Variants in KHDRBS2 observed in about 807,000 individuals in gnomAD.
KHDRBS2 encodes KH domain-containing, RNA-binding, signal transduction-associated protein 2.
Under a neutral mutation model 44.3 loss-of-function variants are expected in KHDRBS2, and 26 were observed. The ratio of observed to expected loss-of-function variants is 0.59; its 90% CI spans 0.43 to 0.81. KHDRBS2 has a LOEUF of 0.81. Ranked by LOEUF, KHDRBS2 falls within the 40% of genes least tolerant of loss-of-function variation. KHDRBS2 has a pLI of 0.00. For synonymous variants in KHDRBS2, 194 were observed against 151.1 expected, an observed-to-expected ratio of 1.28 and a Z score of -2.08; for missense variants, 476 against 433.1, an observed-to-expected ratio of 1.10 and a Z score of -0.88.
At chr6:61,851,401 C>T (rs183877998) in intron 6 of KHDRBS2, among the ~76,000 whole-genome samples, 1 of 151,958 alleles carries the variant, frequency 6.6e-6, no homozygotes, top group Non-Finnish European at 1.5e-5. Context: ...CCAAAAAATT[C>T]ATATGTTGAA....
chr6:62,088,367 C>T (rs544926453), intron 2 of KHDRBS2, among the ~76,000 whole-genome samples: 23 of 152,104 alleles, frequency 1.5e-4, no homozygotes, highest in Non-Finnish European at 2.5e-4. Context: ...TGTTGGTGAT[C>T]TTCTGATGGA....
At chr6:61,871,172 A>G (rs1798604400) in intron 6 of KHDRBS2, among the ~76,000 whole-genome samples, 1 of 152,214 alleles carries the variant, frequency 6.6e-6, no homozygotes, top group Non-Finnish European at 1.5e-5. Context: ...AAATGACCTG[A>G]TGGAGCTGAA....
the KHDRBS2 span, among the ~76,000 whole-genome samples, chr6:61,655,225 TACACACACAC>T: frequency 4.8e-4 from 70 of 145,300 alleles, no homozygotes; most frequent in Middle Eastern, 3.4e-3. Context: ...CATACATACA[TACACACACAC>T]ACACACACAC....
intron 6 of KHDRBS2, among the ~76,000 whole-genome samples, chr6:61,818,130 A>G (rs1193665850): frequency 6.6e-6 from 1 of 152,016 alleles, no homozygotes; most frequent in Admixed American, 6.6e-5. Flanking sequence ...GATAATATCT[A>G]CTATGATAAG....
At chr6:61,961,296 G>A (rs1057373911) in intron 4 of KHDRBS2, among the ~76,000 whole-genome samples, 1 of 152,000 alleles carries the variant, frequency 6.6e-6, no homozygotes, top group Non-Finnish European at 1.5e-5. Context: ...TAGTAGGGGA[G>A]AATGTAATAG....
At chr6:61,657,255 G>A in the KHDRBS2 span, among the ~76,000 whole-genome samples, 1 of 151,898 alleles carries the variant, frequency 6.6e-6, no homozygotes, top group Non-Finnish European at 1.5e-5. Context: ...AGATGCCCTC[G>A]ACTTTTACCC....
chr6:62,070,890 T>A (rs188016593), intron 2 of KHDRBS2, among the ~76,000 whole-genome samples: 155 of 152,296 alleles, frequency 1.0e-3, no homozygotes, highest in African/African-American at 3.7e-3. Context: ...GTATTTCTAG[T>A]TCTAGATCCT....
chr6:61,863,258 G>GT lies in KHDRBS2; in HGVS notation c.810+31376_810+31377insA, dbSNP rs1294430699. Among the ~76,000 whole-genome samples, 1,302 of 130,346 alleles carry GT rather than the reference G, an allele frequency of 1.0e-2. 18 individuals are homozygous for GT. The highest frequency in any genetic ancestry group is 0.055 in the South Asian group (229 of 4,156). 85.5% of individuals were successfully genotyped at this position (130,346 alleles called of 152,430 possible). On this transcript the variant is annotated intron_variant, in intron 6 of 8. Transcript: ENST00000281156. ...CCCACATTTGTTGAGCTTTTGAAGG[G>GT]GTTTTTTTTTTTTTTTGTCTTTCAA...
intron 6 of KHDRBS2, among the ~76,000 whole-genome samples, chr6:61,736,619 T>C (rs1775400931): frequency 6.6e-6 from 1 of 152,088 alleles, no homozygotes; most frequent in South Asian, 2.1e-4. Context: ...ACTTTATTTT[T>C]GTGTTTCTGT....
At chr6:61,580,758 G>A in the KHDRBS2 span, among the ~76,000 whole-genome samples, 3 of 152,232 alleles carry the variant, frequency 2.0e-5, no homozygotes, top group African/African-American at 7.2e-5. Context: ...CCTGAAGTCA[G>A]CGAGACCAGG....
rs9354232 is a variant in KHDRBS2 at position 61,857,945 on chromosome 6, G to A, written c.810+36690C>T. Among the ~76,000 whole-genome samples, 20 of 151,658 alleles carry A rather than the reference G, an allele frequency of 1.3e-4. 1 individual carries two copies. Among genetic ancestry groups the A allele is most frequent in the Admixed American group, 5.3e-4 (8 of 15,174 alleles). On this transcript the variant is annotated intron_variant, in intron 6 of 8. Transcript: ENST00000281156. Reference sequence around the variant, plus strand: ...TGATTTAAAATTTATATTATAATACGTCTATTATGGCACACTGTGTTATAT... The same window carrying A: ...TGATTTAAAATTTATATTATAATACATCTATTATGGCACACTGTGTTATAT...
the KHDRBS2 span, among the ~76,000 whole-genome samples, chr6:61,639,919 C>A: frequency 2.0e-5 from 3 of 151,850 alleles, no homozygotes; most frequent in Non-Finnish European, 2.9e-5. Context: ...GATATAATAA[C>A]CAAATAATCA....
chr6:62,199,338 C>T (rs1473194551), intron 1 of KHDRBS2, among the ~76,000 whole-genome samples: 5 of 152,024 alleles, frequency 3.3e-5, no homozygotes, highest in South Asian at 2.1e-4. Flanking sequence ...TCTAGAAAAC[C>T]CCCTTGTCTC....
chr6:61,564,733 A>T, the KHDRBS2 span, among the ~76,000 whole-genome samples: 1 of 152,090 alleles, frequency 6.6e-6, no homozygotes, highest in South Asian at 2.1e-4. Flanking sequence ...TTCAGTATTG[A>T]ATAGTGGCTC....
At chr6:62,246,104 A>ATT (rs1381701537) in intron 1 of KHDRBS2, among the ~76,000 whole-genome samples, 7 of 25,854 alleles carry the variant, frequency 2.7e-4, no homozygotes, top group Non-Finnish European at 5.5e-4. Flanking sequence ...AATCAATTTT[A>ATT]TATATATATA....
chr6:62,027,490 T>G (rs536479202), intron 3 of KHDRBS2, among the ~76,000 whole-genome samples: 1 of 152,194 alleles, frequency 6.6e-6, no homozygotes, highest in East Asian at 1.9e-4. Flanking sequence ...TCCCATCTCT[T>G]TTCTTCACAC....
chr6:61,959,120 C>A (rs1302866703), intron 4 of KHDRBS2, among the ~76,000 whole-genome samples: 4 of 152,180 alleles, frequency 2.6e-5, no homozygotes, highest in Admixed American at 1.3e-4. Context: ...TTCCCGGTTT[C>A]CAGCCCAGTT....
intron 2 of KHDRBS2, among the ~76,000 whole-genome samples, chr6:62,063,388 CT>C (rs1468431078): frequency 1.3e-5 from 2 of 151,362 alleles, no homozygotes; most frequent in African/African-American, 4.8e-5. Flanking sequence ...CAATAAAATA[CT>C]GGCAAACCGA....
At chr6:62,171,200 A>C (rs186589064) in intron 2 of KHDRBS2, among the ~76,000 whole-genome samples, 26 of 152,188 alleles carry the variant, frequency 1.7e-4, no homozygotes, top group Admixed American at 1.6e-3. Context: ...AGAAAGTCAA[A>C]ATCTATTCCA....
Sources: allele counts gnomAD v4.1 joint callset (sites outside exome capture counted in the v4.1 genomes callset), GRCh38; gene constraint gnomAD v4.1.1; transcripts MANE v1.5; gene names NCBI Gene and HGNC (gene_info 2026-07-23, HGNC 2026-07-21).